Variants in EPB41L5 observed in about 807,000 individuals in gnomAD.
EPB41L5 encodes the protein erythrocyte membrane protein band 4.1 like 5.
Under a neutral mutation model 106.6 loss-of-function variants are expected in EPB41L5, and 55 were observed. The observed-to-expected ratio is 0.52, with a 90% CI of 0.42 to 0.65. The LOEUF is 0.65. Ranked by LOEUF, EPB41L5 falls within the 30% of genes least tolerant of loss-of-function variation. The pLI is 0.00. For synonymous variants in EPB41L5, 297 were observed against 306.7 expected, an observed-to-expected ratio of 0.97 and a Z score of 0.33; for missense variants, 871 against 882.1, an observed-to-expected ratio of 0.99 and a Z score of 0.16.
chr2:120,021,398 A>G (rs1420703375), intron 2 of EPB41L5, among the ~76,000 whole-genome samples: 2 of 152,016 alleles, frequency 1.3e-5, no homozygotes, highest in Non-Finnish European at 2.9e-5. Context: ...TAATCGCAGC[A>G]CTTTGGGAGG....
chr2:120,085,723 C>G (rs557604274), intron 10 of EPB41L5, among the ~76,000 whole-genome samples: 2 of 152,150 alleles, frequency 1.3e-5, no homozygotes, highest in South Asian at 2.1e-4. Context: ...TCCCTTGATG[C>G]GTGAAGAACC....
In EPB41L5 at chr2:120,175,737, T is replaced by TG. The variant is rs1687897162; in HGVS notation, c.*831dup. On this transcript the variant is annotated 3_prime_UTR_variant, in exon 25 of 25. Transcript: ENST00000263713. ...GCACTCCTCCGAGCCCGGTGGAGAA[T>TG]GCAGGCTGCTGTAGTCTCAGGTAAT... 2 of 152,148 alleles carry TG rather than the reference T, an allele frequency of 1.3e-5. No homozygotes were observed. The highest frequency in any genetic ancestry group is 1.5e-5 in the Non-Finnish European group (1 of 68,024). The allele number at this position is 152,148 out of a possible 1,614,324, so 9.4% of individuals were successfully genotyped here. A position where few individuals can be genotyped will look rare whatever the true frequency, so the allele number is the denominator to read the frequency against.
At chr2:120,028,371 A>G (rs1678480169) in intron 2 of EPB41L5, among the ~76,000 whole-genome samples, 1 of 151,950 alleles carries the variant, frequency 6.6e-6, no homozygotes, top group Non-Finnish European at 1.5e-5. Context: ...CCGTTTCAAA[A>G]GAAAATAAAA....
At chr2:120,038,460 A>G (rs1025457284) in intron 2 of EPB41L5, among the ~76,000 whole-genome samples, 1 of 152,220 alleles carries the variant, frequency 6.6e-6, no homozygotes, top group Non-Finnish European at 1.5e-5. Flanking sequence ...TGTAGAAAAC[A>G]GTTTGACAGT....
intron 16 of EPB41L5, among the ~76,000 whole-genome samples, chr2:120,110,697 C>T (rs539418037): frequency 6.7e-6 from 1 of 148,218 alleles, no homozygotes; most frequent in Admixed American, 6.8e-5. Context: ...TGCAATGATG[C>T]AATCTCTGCT....
chr2:120,097,144 G>C lies in EPB41L5; in HGVS notation c.1179-3100G>C, dbSNP rs944799823. On this transcript the variant is annotated intron_variant, in intron 14 of 24. Coordinates refer to ENST00000263713, the MANE Select transcript of EPB41L5 (RefSeq NM_020909.4). ...TAAATGTTGGTGTCTCTTCATTAGTGATGCTTTTGACTCTGGAAAACATAG... is the reference window on the plus strand; with the variant it reads ...TAAATGTTGGTGTCTCTTCATTAGTCATGCTTTTGACTCTGGAAAACATAG... Among the ~76,000 whole-genome samples the C allele has an allele frequency of 2.7e-4, 41 of 152,136 alleles. 1 individual carries two copies. Among genetic ancestry groups the C allele is most frequent in the African/African-American group, 8.0e-4 (33 of 41,430 alleles).
At chr2:120,067,179 A>T (rs1681500827) in intron 3 of EPB41L5, among the ~76,000 whole-genome samples, 1 of 152,230 alleles carries the variant, frequency 6.6e-6, no homozygotes, top group Non-Finnish European at 1.5e-5. Context: ...AAAATATTGC[A>T]TAGCATTTAA....
chr2:120,115,394 T>C (rs975411030), intron 16 of EPB41L5, among the ~76,000 whole-genome samples: 2 of 152,170 alleles, frequency 1.3e-5, no homozygotes, highest in African/African-American at 4.8e-5. Context: ...CTTTTTTCTT[T>C]CTCTTACTAT....
At chr2:120,048,631 T>G (rs988560560) in intron 3 of EPB41L5, among the ~76,000 whole-genome samples, 1 of 152,086 alleles carries the variant, frequency 6.6e-6, no homozygotes, top group African/African-American at 2.4e-5. Context: ...TTTTGAAGGG[T>G]TTTTTGTGTC....
At chr2:120,090,300 C>T (rs759405140) in intron 11 of EPB41L5, 47 bp from the exon 12 acceptor site, 3 of 1,462,806 alleles carry the variant, frequency 2.1e-6, no homozygotes, top group Admixed American at 4.3e-5. Context: ...GGAGATAGGA[C>T]TGTTTGAATT....
chr2:120,020,815 T>TA (rs57155762), intron 2 of EPB41L5, among the ~76,000 whole-genome samples: 54 of 20,198 alleles, frequency 2.7e-3, no homozygotes, highest in African/African-American at 6.0e-3. Flanking sequence ...GTAGAATTTG[T>TA]AAAAAAAAAA....
At chr2:120,126,066 G>A (rs933185264) in intron 16 of EPB41L5, among the ~76,000 whole-genome samples, 1 of 152,078 alleles carries the variant, frequency 6.6e-6, no homozygotes, top group African/African-American at 2.4e-5. Flanking sequence ...AAGAATATCA[G>A]TCATAGCGGA....
At chr2:120,083,231 T>G (rs1424771804) in intron 10 of EPB41L5, among the ~76,000 whole-genome samples, 2 of 152,226 alleles carry the variant, frequency 1.3e-5, no homozygotes, top group Admixed American at 6.5e-5. Context: ...TGCTTTCTCT[T>G]GTGGACATTT....
chr2:120,148,722 A>G (rs776290872), intron 20 of EPB41L5, among the ~76,000 whole-genome samples: 44 of 152,190 alleles, frequency 2.9e-4, no homozygotes, highest in Non-Finnish European at 5.3e-4. Context: ...ATATTTCATT[A>G]TATAGATATA....
chr2:120,054,166 G>A (rs968796097), intron 3 of EPB41L5, among the ~76,000 whole-genome samples: 5 of 152,118 alleles, frequency 3.3e-5, no homozygotes, highest in Non-Finnish European at 5.9e-5. Flanking sequence ...ATGATGTTGA[G>A]CATCTTTTCA....
intron 22 of EPB41L5, among the ~76,000 whole-genome samples, chr2:120,167,251 T>C (rs1219539418): frequency 6.6e-6 from 1 of 152,208 alleles, no homozygotes; most frequent in Non-Finnish European, 1.5e-5. Context: ...TTCTCAAAAT[T>C]ATGACACTTT....
In EPB41L5 at chr2:120,175,925, G is replaced by T. The variant is rs999313098; in HGVS notation, c.*1018G>T. 1.3e-5 allele frequency: 2 copies of T among 152,124 alleles called. No homozygotes were observed. The highest frequency in any genetic ancestry group is 2.9e-5 in the Non-Finnish European group (2 of 68,012). 9.4% of individuals were successfully genotyped at this position (152,124 alleles called of 1,614,324 possible). ...ATAGGCAATAGGAACAGGGGTGAAG[G>T]GATGTTGTTTCTTAAATACCTACCA... On this transcript the variant is annotated 3_prime_UTR_variant, in exon 25 of 25. Transcript: ENST00000263713.
intron 20 of EPB41L5, among the ~76,000 whole-genome samples, chr2:120,158,583 A>G (rs1449509215): frequency 2.6e-5 from 4 of 152,212 alleles, no homozygotes; most frequent in African/African-American, 9.7e-5. Flanking sequence ...TTCAAGGAAC[A>G]TACCTCAAAA....
chr2:120,143,177 G>A, intron 19 of EPB41L5, 46 bp downstream of exon 19: 1 of 1,493,988 alleles, frequency 6.7e-7, no homozygotes, highest in South Asian at 1.4e-5. Context: ...AAATGAGCAT[G>A]GGATGTAGAG....
Sources: allele counts gnomAD v4.1 joint callset (sites outside exome capture counted in the v4.1 genomes callset), GRCh38; gene constraint gnomAD v4.1.1; transcripts MANE v1.5; gene names NCBI Gene and HGNC (gene_info 2026-07-23, HGNC 2026-07-21).